Variants in MARK2 observed in about 807,000 individuals in gnomAD.
MARK2 encodes the protein serine/threonine-protein kinase MARK2.
MARK2 carries 16 observed loss-of-function variants against 89.8 expected under a neutral mutation model. The ratio of observed to expected loss-of-function variants is 0.18; its 90% confidence interval spans 0.12 to 0.27. The LOEUF is 0.27. Among genes scored for constraint, MARK2 ranks in the 10% least tolerant of loss-of-function variants. The pLI is 1.00. For missense variants in MARK2, 621 were observed against 1,049.9 expected, an observed-to-expected ratio of 0.59 and a Z score of 5.65; for synonymous variants, 382 against 399.5, an observed-to-expected ratio of 0.96 and a Z score of 0.52.
intron 1 of MARK2, among the ~76,000 whole-genome samples, chr11:63,856,315 T>TG (rs1359978861): frequency 1.9e-5 from 2 of 103,614 alleles, no homozygotes; most frequent in African/African-American, 6.4e-5. Context: ...TGGGTTTTTT[T>TG]TTTTTGTTTT....
At chr11:63,873,802 C>G (rs955910798) in intron 1 of MARK2, among the ~76,000 whole-genome samples, 3 of 152,174 alleles carry the variant, frequency 2.0e-5, no homozygotes, top group African/African-American at 7.2e-5. Context: ...TGCGCCACCA[C>G]GCCCAGCTAA....
chr11:63,902,467 A>G lies in MARK2; in HGVS notation c.1235-134A>G. 7.2e-7 allele frequency: 1 copy of G among 1,394,128 alleles called. No individual in the cohort carries two copies. The highest frequency in any genetic ancestry group is 2.4e-5 in the East Asian group (1 of 42,400). 86.4% of individuals were successfully genotyped at this position (1,394,128 alleles called of 1,614,324 possible). On this transcript the variant is annotated intron_variant, in intron 12 of 18. Coordinates refer to ENST00000402010, the MANE Select transcript of MARK2 (RefSeq NM_001039469.3). This position sits in a 1 kb window ranked among gnomAD's most constrained non-coding sequence, Gnocchi z 4.2. ...TTAGTAGTGTGGCTATGGGCAAGCC[A>G]CTTCCCTTCCCTCGCCTCTGTGGAA...
intron 1 of MARK2, among the ~76,000 whole-genome samples, chr11:63,848,449 A>C (rs2016387773): frequency 1.3e-5 from 2 of 151,548 alleles, no homozygotes; most frequent in Non-Finnish European, 2.9e-5. Context: ...ACAGTGGCAC[A>C]ATCTCAGCTC....
In MARK2 at chr11:63,909,238, C is replaced by T; in HGVS notation, c.*1C>T. On this transcript the variant is annotated 3_prime_UTR_variant, in exon 19 of 19. Transcript: ENST00000402010. The stretch of plus-strand genomic sequence containing the variant: ...AATAGCCAACGAGCTGAAGCTTTAA[C>T]AGGCTGCCAGGAGCGGGGGCGGCGG... 6.3e-7 allele frequency: 1 copy of T among 1,582,644 alleles called. No individual in the cohort carries two copies. The highest frequency in any genetic ancestry group is 1.3e-5 in the African/African-American group (1 of 74,366).
intron 1 of MARK2, among the ~76,000 whole-genome samples, chr11:63,893,156 C>A: frequency 6.6e-6 from 1 of 150,914 alleles, no homozygotes. Flanking sequence ...TCAAGCAATC[C>A]ACCTGCCTCA....
intron 1 of MARK2, among the ~76,000 whole-genome samples, chr11:63,842,249 G>A (rs545829463): frequency 2.1e-5 from 3 of 142,860 alleles, no homozygotes; most frequent in African/African-American, 5.3e-5. Flanking sequence ...ATAGAGTCTC[G>A]TTCTGTCGCC....
chr11:63,907,654 G>A (rs74928381), intron 17 of MARK2, among the ~76,000 whole-genome samples: 8,541 of 152,202 alleles, frequency 0.056, 812 homozygotes, highest in African/African-American at 0.2. Context: ...GGGGAGTTGG[G>A]AAAGGTCGGA....
In MARK2 at chr11:63,900,712, G is replaced by A; in HGVS notation, c.888+34G>A. 1.2e-6 allele frequency: 2 copies of A among 1,613,694 alleles called. No individual in the cohort carries two copies. Among genetic ancestry groups the A allele is most frequent in the Middle Eastern group, 1.7e-4 (1 of 6,060 alleles). On this transcript the variant is annotated intron_variant, in intron 9 of 18. Coordinates refer to ENST00000402010, the MANE Select transcript of MARK2 (RefSeq NM_001039469.3). This position sits in a 1 kb window ranked among gnomAD's most constrained non-coding sequence, Gnocchi z 4.7. ...TGGAGCCCAACTGGCGGAAGGGCCT[G>A]GGGTCCCCACAGAAACTTTCCAGCT...
At chr11:63,862,606 C>G (rs934491223) in intron 1 of MARK2, among the ~76,000 whole-genome samples, 3 of 152,164 alleles carry the variant, frequency 2.0e-5, no homozygotes, top group Admixed American at 1.3e-4. Context: ...GAGGGCTCTA[C>G]GCAAGAGCTA....
At chr11:63,888,555 C>T in intron 1 of MARK2, 2 of 1,070,344 alleles carry the variant, frequency 1.9e-6, no homozygotes, top group South Asian at 5.0e-5. Context: ...CCCTTCCTGC[C>T]CTATTCCCCT....
rs773419063 is a variant in MARK2, at chr11:63,909,281, G to A, written c.*44G>A. On this transcript the variant is annotated 3_prime_UTR_variant, in exon 19 of 19. Transcript: ENST00000402010. ...GGCGGCGGGGGCGGGCCAGCTGGACGGGCTGCCGGCCGCTGCGCCGCCCCA... is the reference window on the plus strand; with the variant it reads ...GGCGGCGGGGGCGGGCCAGCTGGACAGGCTGCCGGCCGCTGCGCCGCCCCA... The A allele has an allele frequency of 4.0e-6, 6 of 1,514,696 alleles. No individual in the cohort carries two copies. Among genetic ancestry groups the A allele is most frequent in the African/African-American group, 1.4e-5 (1 of 71,828 alleles). 93.8% of individuals were successfully genotyped at this position (1,514,696 alleles called of 1,614,324 possible).
At position 63,905,006 on chromosome 11, in the gene MARK2, A is replaced by G. The variant is rs965132278; in HGVS notation, c.1897A>G (p.Ser633Gly). 4.3e-6 allele frequency: 7 copies of G among 1,612,966 alleles called. No homozygotes were observed. In the Admixed American group the frequency reaches 5.0e-5, roughly 12 times the overall value. ...HSQGRRGASG[S>G]IFSKFTSKFV... ...CCAGGGCCGGCGGGGGGCCTCTGGG[A>G]GCATCTTCAGCAAGTTCACCTCCAA... The change falls in exon 16 of 19, where the codon AGC (serine) becomes GGC (glycine). Residue 633 changes from serine (S) to glycine (G), a missense_variant. Physicochemically the swap from Ser to Gly is moderately conservative, Grantham distance 56. Transcript: ENST00000402010.
At chr11:63,878,174 AG>A (rs1464006383) in intron 1 of MARK2, among the ~76,000 whole-genome samples, 1 of 152,072 alleles carries the variant, frequency 6.6e-6, no homozygotes, top group Non-Finnish European at 1.5e-5. Context: ...TTTCTCCTCT[AG>A]CTGGAAGTTG....
intron 3 of MARK2, among the ~76,000 whole-genome samples, chr11:63,896,095 C>T (rs1021483776): frequency 2.0e-5 from 3 of 152,208 alleles, no homozygotes; most frequent in Non-Finnish European, 4.4e-5. Context: ...CATTCCCTCC[C>T]ATGGCTCTGC....
intron 1 of MARK2, among the ~76,000 whole-genome samples, chr11:63,847,163 C>T (rs923290720): frequency 1.3e-5 from 2 of 152,142 alleles, no homozygotes; most frequent in African/African-American, 2.4e-5. Flanking sequence ...TGGTTCTTTC[C>T]GCAGATGTCT....
intron 17 of MARK2, among the ~76,000 whole-genome samples, chr11:63,907,579 G>C (rs1051289018): frequency 6.6e-6 from 1 of 151,580 alleles, no homozygotes; most frequent in African/African-American, 2.4e-5. Context: ...TGTCTGCCCT[G>C]CCCTGCCCCA....
chr11:63,864,989 A>G (rs1938047604), intron 1 of MARK2, among the ~76,000 whole-genome samples: 1 of 152,102 alleles, frequency 6.6e-6, no homozygotes, highest in South Asian at 2.1e-4. Flanking sequence ...TCCCAGGCTC[A>G]AGCAATCCTC....
Position 63,895,561 on chromosome 11 carries a change from CT to C in MARK2, c.235-14del, listed in dbSNP as rs756378548. ...GCTGGTCAGAGAAGTGATTTGGGGC[CT>C]TTTTGTCTCATCCTCAGGTAGCTGT... On this transcript the variant is annotated intron_variant, in intron 2 of 18. Transcript: ENST00000402010. 76 of 1,612,084 alleles carry C rather than the reference CT, an allele frequency of 4.7e-5. No individual in the cohort carries two copies. Among genetic ancestry groups the C allele is most frequent in the Non-Finnish European group, 6.2e-5 (73 of 1,178,780 alleles).
At chr11:63,883,820 C>T (rs1939242574) in intron 1 of MARK2, among the ~76,000 whole-genome samples, 1 of 152,130 alleles carries the variant, frequency 6.6e-6, no homozygotes, top group Admixed American at 6.5e-5. Flanking sequence ...TTCCTAGGCT[C>T]AAGGGATCTG....
Sources: allele counts gnomAD v4.1 joint callset (sites outside exome capture counted in the v4.1 genomes callset), GRCh38; gene constraint gnomAD v4.1.1; non-coding constraint Gnocchi (gnomAD v3.1); transcripts MANE v1.5; gene names NCBI Gene and HGNC (gene_info 2026-07-23, HGNC 2026-07-21).